Variants in CTSS observed in about 807,000 individuals in gnomAD.
CTSS encodes the protein cathepsin S.
Under a neutral mutation model 39.9 loss-of-function variants are expected in CTSS, and 15 were observed. The observed-to-expected ratio is 0.38, with a 90% CI of 0.25 to 0.58. The LOEUF (loss-of-function observed/expected upper bound fraction) is 0.58, where lower values mean the gene tolerates loss of function less well. CTSS is among the 20% of genes least tolerant of loss of function. The pLI, the probability that CTSS is intolerant of heterozygous loss-of-function variation, is 0.70. For missense variants in CTSS, 250 were observed against 398.2 expected, an observed-to-expected ratio of 0.63 and a Z score of 3.17; for synonymous variants, 126 against 138.2, an observed-to-expected ratio of 0.91 and a Z score of 0.62.
chr1:150,749,006 G>A (rs774403153), intron 6 of CTSS, among the ~76,000 whole-genome samples: 5 of 152,194 alleles, frequency 3.3e-5, no homozygotes, highest in Non-Finnish European at 7.3e-5. Flanking sequence ...ACCCACAAAT[G>A]TTGTGTGTGT....
intron 7 of CTSS, among the ~76,000 whole-genome samples, chr1:150,742,087 T>G (rs927914216): frequency 1.3e-5 from 2 of 151,794 alleles, no homozygotes; most frequent in Non-Finnish European, 1.5e-5. Flanking sequence ...TGAAACTCCA[T>G]CTCTACTAAA....
chr1:150,751,790 G>C lies in CTSS; in HGVS notation c.618C>G (p.Tyr206Ter). 6.2e-7 allele frequency: 1 copy of C among 1,614,096 alleles called. No individual in the cohort carries two copies. The change falls in exon 5 of 8, where the codon TAC (tyrosine) becomes TAG (stop). Residue 206 changes from tyrosine (Y) to a stop codon, truncating the protein, a stop_gained. Coordinates refer to ENST00000368985, the MANE Select transcript of CTSS (RefSeq NM_004079.5). LOFTEE classifies it high-confidence loss of function. ...KGIDSDASYPYKAMDQKCQYD... is the reference protein window; with the variant it reads ...KGIDSDASYP ...TTTGCTTAAGACGCACCATGGCTTTGTAGGGATAGGAAGCGTCTGAGTCGA... is the reference window on the plus strand; with the variant it reads ...TTTGCTTAAGACGCACCATGGCTTTCTAGGGATAGGAAGCGTCTGAGTCGA...
At chr1:150,753,748 G>A (rs894916813) in intron 4 of CTSS, among the ~76,000 whole-genome samples, 1 of 152,020 alleles carries the variant, frequency 6.6e-6, no homozygotes, top group Non-Finnish European at 1.5e-5. Context: ...TCAGGAGCTT[G>A]AGATCAGCTT....
intron 2 of CTSS, among the ~76,000 whole-genome samples, chr1:150,761,459 T>C (rs748456774): frequency 6.6e-6 from 1 of 151,946 alleles, no homozygotes; most frequent in Non-Finnish European, 1.5e-5. Flanking sequence ...AGGCCGGGCG[T>C]GGTGGCTCAC....
intron 2 of CTSS, among the ~76,000 whole-genome samples, chr1:150,763,846 C>T (rs1242648152): frequency 6.6e-6 from 1 of 152,176 alleles, no homozygotes; most frequent in African/African-American, 2.4e-5. Flanking sequence ...CCTTTTCGCT[C>T]CTCAGCCATC....
chr1:150,754,081 T>G (rs886227731), intron 4 of CTSS, among the ~76,000 whole-genome samples: 3 of 151,876 alleles, frequency 2.0e-5, no homozygotes, highest in African/African-American at 7.3e-5. Context: ...TACTGAGTAT[T>G]CGCATATAAC....
intron 7 of CTSS, among the ~76,000 whole-genome samples, chr1:150,744,703 A>ATGTATATATAATATATAT (rs1652857674): frequency 6.9e-6 from 1 of 144,716 alleles, no homozygotes; most frequent in African/African-American, 2.5e-5. Context: ...TATATTATGT[A>ATGTATATATAATATATAT]TGTATATATA....
chr1:150,737,032 AC>A (rs1652648902), intron 7 of CTSS, among the ~76,000 whole-genome samples: 1 of 152,218 alleles, frequency 6.6e-6, no homozygotes, highest in African/African-American at 2.4e-5. Context: ...GCCAATGCTT[AC>A]TAAGTGAAGG....
At chr1:150,759,721 G>C (rs942846414) in intron 2 of CTSS, among the ~76,000 whole-genome samples, 1 of 152,078 alleles carries the variant, frequency 6.6e-6, no homozygotes, top group African/African-American at 2.4e-5. Context: ...CATTTACATA[G>C]AATACAATGA....
chr1:150,750,319 C>T, intron 5 of CTSS, 148 bp from the exon 6 acceptor site: 1 of 572,116 alleles, frequency 1.7e-6, no homozygotes, highest in Non-Finnish European at 3.0e-6. Context: ...CTTCCAAATC[C>T]TAACAGTCCC....
rs1188390716 is a variant in CTSS at position 150,730,371 on chromosome 1, T to C, written c.*2675A>G. The C allele has an allele frequency of 6.6e-6, 1 of 152,166 alleles. No individual in the cohort carries two copies. Among genetic ancestry groups the C allele is most frequent in the Non-Finnish European group, 1.5e-5 (1 of 68,022 alleles). The allele number at this position is 152,166 out of a possible 1,614,324, so 9.4% of individuals were successfully genotyped here. A position where few individuals can be genotyped will look rare whatever the true frequency, so the allele number is the denominator to read the frequency against. The stretch of plus-strand genomic sequence containing the variant: ...TGTGAACAAGCTAAATGTAATAAAC[T>C]GGGGGAAACTGAGAGGCCTGTTTGT... On this transcript the variant is annotated 3_prime_UTR_variant, in exon 8 of 8. Coordinates refer to ENST00000368985, the MANE Select transcript of CTSS (RefSeq NM_004079.5).
chr1:150,759,035 A>T lies in CTSS; in HGVS notation c.127-1055T>A, dbSNP rs1415331954. On this transcript the variant is annotated intron_variant, in intron 2 of 7. Coordinates refer to ENST00000368985, the MANE Select transcript of CTSS (RefSeq NM_004079.5). ...AGCTTATTTTTATTTTTATTTTATT[A>T]TTATTTTTTTTTTTTGTAGAGACAG... Among the ~76,000 whole-genome samples the T allele has an allele frequency of 1.2e-3, 139 of 112,396 alleles. No homozygotes were observed. The Middle Eastern group carries it at 0.015, about 12-fold the overall frequency. The allele number at this position is 112,396 out of a possible 152,430, so 73.7% of individuals were successfully genotyped here. A position where few individuals can be genotyped will look rare whatever the true frequency, so the allele number is the denominator to read the frequency against.
At chr1:150,760,142 C>A (rs1006435414) in intron 2 of CTSS, among the ~76,000 whole-genome samples, 4 of 152,112 alleles carry the variant, frequency 2.6e-5, no homozygotes, top group African/African-American at 9.7e-5. Flanking sequence ...GGATAGCATT[C>A]ATTTAACCAG....
chr1:150,750,001 T>G lies in CTSS; in HGVS notation c.793+5A>C. ...ATTCTAATTATTGTTTATTTTATTT[T>G]TTACCACTTCTGTAGAGGAAGAAAG... On this transcript the variant is annotated splice_donor_5th_base_variant and intron_variant, in intron 6 of 7. Coordinates refer to ENST00000368985, the MANE Select transcript of CTSS (RefSeq NM_004079.5). The G allele has an allele frequency of 1.3e-6, 2 of 1,586,864 alleles. No individual in the cohort carries two copies. Among genetic ancestry groups the G allele is most frequent in the Non-Finnish European group, 1.7e-6 (2 of 1,163,638 alleles).
Position 150,755,248 on chromosome 1 carries a change from T to C in CTSS, c.250-98A>G. On this transcript the variant is annotated intron_variant, in intron 3 of 7. Coordinates refer to ENST00000368985, the MANE Select transcript of CTSS (RefSeq NM_004079.5). Reference sequence around the variant, plus strand: ...TTTTGTCATTGTGAAAACACCATAGTGTGTACTTACACAAACCTAGAGCGT... The same window carrying C: ...TTTTGTCATTGTGAAAACACCATAGCGTGTACTTACACAAACCTAGAGCGT... 4 of 1,353,220 alleles carry C rather than the reference T, an allele frequency of 3.0e-6. No homozygotes were observed. The South Asian group carries it at 3.8e-5, about 13-fold the overall frequency. The allele number at this position is 1,353,220 out of a possible 1,614,324, so 83.8% of individuals were successfully genotyped here.
At chr1:150,758,250 A>T (rs1653176624) in intron 2 of CTSS, among the ~76,000 whole-genome samples, 1 of 152,034 alleles carries the variant, frequency 6.6e-6, no homozygotes, top group African/African-American at 2.4e-5. Flanking sequence ...GGGTTTCGTC[A>T]TGTTGGCCAG....
chr1:150,738,298 T>C (rs1238205228), intron 7 of CTSS, among the ~76,000 whole-genome samples: 1 of 152,188 alleles, frequency 6.6e-6, no homozygotes, highest in Non-Finnish European at 1.5e-5. Context: ...CTTTGCTTTA[T>C]TGTGCATTGC....
chr1:150,757,020 C>T (rs912179850), intron 3 of CTSS, among the ~76,000 whole-genome samples: 5 of 151,948 alleles, frequency 3.3e-5, no homozygotes, highest in South Asian at 2.1e-4. Flanking sequence ...CCAGCCTATC[C>T]TACTTTCTAA....
rs587676762 is a variant in CTSS, at chr1:150,739,805, C to T, written c.897-6660G>A. ...AAACTAGCCACAACATGCCCTTAAG[C>T]GAAAACCTAATCCAGAGCAAGGCCC... On this transcript the variant is annotated intron_variant, in intron 7 of 7. Transcript: ENST00000368985. 1.2e-4 allele frequency among the ~76,000 whole-genome samples: 19 copies of T among 152,286 alleles called. No individual in the cohort carries two copies. The South Asian group carries it at 3.1e-3, about 25-fold the overall frequency.
Sources: gnomAD v4.1 joint callset for allele counts (sites outside exome capture counted in the v4.1 genomes callset) on GRCh38, gnomAD v4.1.1 for gene constraint, MANE v1.5 for transcripts, NCBI Gene and HGNC (gene_info 2026-07-23, HGNC 2026-07-21) for gene names.